Variants in LRRC53 observed in about 807,000 individuals in gnomAD.
LRRC53 encodes leucine-rich repeat-containing protein 53.
In LRRC53, 25 loss-of-function variants were observed where a neutral mutation model predicts 13.6. The ratio of observed to expected loss-of-function variants is 1.83; its 90% CI spans 1.34 to 2.56. LRRC53 has a LOEUF of 2.56. LRRC53 is among the 30% of genes most tolerant of loss of function. The pLI, the probability that LRRC53 is intolerant of heterozygous loss-of-function variation, is 0.00. For missense variants in LRRC53, 527 were observed against 275.8 expected (o/e 1.91, Z -6.45); for synonymous variants, 204 against 109.8 (o/e 1.86, Z -5.37).
chr1:74,492,397 C>A, intron 1 of LRRC53: 1 of 1,202,294 alleles, frequency 8.3e-7, no homozygotes, highest in Non-Finnish European at 1.1e-6. Context: ...GAGTTTTCAG[C>A]CCATTTTTCT....
the LRRC53 span, among the ~76,000 whole-genome samples, chr1:74,527,003 T>G: frequency 6.6e-6 from 1 of 152,252 alleles, no homozygotes. Context: ...AAATATTTAC[T>G]GTCTGGTCCT....
At chr1:74,494,798 T>A (rs1291400518) in intron 1 of LRRC53, among the ~76,000 whole-genome samples, 1 of 152,174 alleles carries the variant, frequency 6.6e-6, no homozygotes, top group Non-Finnish European at 1.5e-5. Context: ...CTTAGAGTTG[T>A]TTTAAGGAGA....
intron 3 of LRRC53, among the ~76,000 whole-genome samples, chr1:74,479,009 T>G (rs1416871798): frequency 6.6e-6 from 1 of 152,242 alleles, no homozygotes; most frequent in Non-Finnish European, 1.5e-5. Context: ...CTGGTCTCCA[T>G]CTATTCTGAT....
the LRRC53 span, among the ~76,000 whole-genome samples, chr1:74,529,044 C>A: frequency 6.6e-6 from 1 of 152,008 alleles, no homozygotes; most frequent in African/African-American, 2.4e-5. Context: ...TAAATGATGA[C>A]AGTGACATCA....
intron 4 of LRRC53, 89 bp from the exon 5 acceptor site, chr1:74,472,290 A>G: frequency 1.5e-6 from 1 of 649,348 alleles, no homozygotes; most frequent in Non-Finnish European, 2.8e-6. Context: ...TGAAAAGTAT[A>G]AAACTGACTC....
rs1464824142 is a variant in LRRC53, at chr1:74,470,346, T to C, written c.3276A>G (p.Thr1092=). ...EEKNMLDESK[T]DSSMLTQISQ... Reference sequence around the variant, plus strand: ...AGATCTGAGTTAACATACTAGAATCTGTCTTGCTTTCATCAAGCATATTTT... The same window carrying C: ...AGATCTGAGTTAACATACTAGAATCCGTCTTGCTTTCATCAAGCATATTTT... Residue 1092 remains threonine (T), a synonymous_variant, in exon 5 of 5, where the codon ACA becomes ACG. Coordinates refer to ENST00000294635, the MANE Select transcript of LRRC53 (RefSeq NM_001382280.1). The C allele has an allele frequency of 5.0e-6, 2 of 400,590 alleles. No individual in the cohort carries two copies. The highest frequency in any genetic ancestry group is 4.1e-5 in the African/African-American group (2 of 48,710). The allele number at this position is 400,590 out of a possible 1,614,324, so 24.8% of individuals were successfully genotyped here. A position where few individuals can be genotyped will look rare whatever the true frequency, so the allele number is the denominator to read the frequency against.
chr1:74,475,116 CCACACACACACACACACACA>C (rs3058791), intron 4 of LRRC53, among the ~76,000 whole-genome samples, 159 bp downstream of exon 4: 2 of 135,912 alleles, frequency 1.5e-5, no homozygotes, highest in Non-Finnish European at 3.1e-5. Context: ...CCACCTCAGC[CCACACACACACACACACACA>C]CACACACACA....
intron 1 of LRRC53, among the ~76,000 whole-genome samples, chr1:74,491,302 C>G (rs887737472): frequency 6.6e-6 from 1 of 152,198 alleles, no homozygotes; most frequent in Non-Finnish European, 1.5e-5. Context: ...TCACTGCAAC[C>G]TCTGCCTCCC....
intron 1 of LRRC53, among the ~76,000 whole-genome samples, chr1:74,502,279 C>T (rs1366879220): frequency 1.3e-5 from 2 of 152,066 alleles, no homozygotes; most frequent in Admixed American, 1.3e-4. Flanking sequence ...AGAACAGTGC[C>T]CGGTACATGG....
At chr1:74,534,317 T>G in the LRRC53 span, among the ~76,000 whole-genome samples, 1 of 152,156 alleles carries the variant, frequency 6.6e-6, no homozygotes, top group Admixed American at 6.5e-5. Context: ...AAGAATGTGA[T>G]TTTAAAAAAA....
At chr1:74,525,516 G>T in the LRRC53 span, among the ~76,000 whole-genome samples, 1 of 152,154 alleles carries the variant, frequency 6.6e-6, no homozygotes, top group Non-Finnish European at 1.5e-5. Flanking sequence ...AGATGAGGCT[G>T]AAGAAATGAC....
intron 1 of LRRC53, among the ~76,000 whole-genome samples, chr1:74,508,787 C>T (rs575347106): frequency 3.9e-5 from 6 of 152,260 alleles, no homozygotes; most frequent in African/African-American, 1.4e-4. Flanking sequence ...GAGCTTGCAT[C>T]TTGAAGCCAG....
chr1:74,526,269 T>C, the LRRC53 span, among the ~76,000 whole-genome samples: 2 of 152,062 alleles, frequency 1.3e-5, no homozygotes, highest in African/African-American at 2.4e-5. Context: ...AAGATGGCCT[T>C]TGAACTTTCC....
chr1:74,483,932 A>G (rs1668623489), intron 1 of LRRC53, among the ~76,000 whole-genome samples: 2 of 152,222 alleles, frequency 1.3e-5, no homozygotes, highest in Admixed American at 1.3e-4. Flanking sequence ...TAAGCTCACA[A>G]GCTCTACTTA....
chr1:74,526,035 T>C, the LRRC53 span, among the ~76,000 whole-genome samples: 1 of 152,222 alleles, frequency 6.6e-6, no homozygotes, highest in Non-Finnish European at 1.5e-5. Flanking sequence ...AGGTTTGGTA[T>C]ACATTCGCTT....
chr1:74,513,643 C>A (rs1016804798), upstream of LRRC53, among the ~76,000 whole-genome samples: 1 of 152,112 alleles, frequency 6.6e-6, no homozygotes, highest in African/African-American at 2.4e-5. Context: ...TTGTCACTTG[C>A]GTAACTGATG....
chr1:74,481,923 C>T (rs1668525342), intron 2 of LRRC53, among the ~76,000 whole-genome samples: 1 of 152,118 alleles, frequency 6.6e-6, no homozygotes, highest in Non-Finnish European at 1.5e-5. Context: ...TTAGGAAATT[C>T]AGACTGCATC....
intron 1 of LRRC53, among the ~76,000 whole-genome samples, chr1:74,501,509 T>TTGTTTTA (rs1669630481): frequency 6.6e-6 from 1 of 151,910 alleles, no homozygotes; most frequent in South Asian, 2.1e-4. Flanking sequence ...TGTTTGTTTT[T>TTGTTTTA]TGAGACTGGC....
chr1:74,503,346 T>C (rs1282767826), intron 1 of LRRC53, among the ~76,000 whole-genome samples: 1 of 152,258 alleles, frequency 6.6e-6, no homozygotes, highest in Non-Finnish European at 1.5e-5. Context: ...TTCTAACTTA[T>C]ATTTTACTTA....
Sources: allele counts gnomAD v4.1 joint callset (sites outside exome capture counted in the v4.1 genomes callset), GRCh38; gene constraint gnomAD v4.1.1; transcripts MANE v1.5; gene names NCBI Gene and HGNC (gene_info 2026-07-23, HGNC 2026-07-21).